SLC2A13: variants seen among roughly 807,000 people sequenced by gnomAD.
SLC2A13 encodes solute carrier family 2 member 13, also known as proton myo-inositol cotransporter.
Under a neutral mutation model 64.4 loss-of-function variants are expected in SLC2A13, and 32 were observed. That is an observed-to-expected ratio of 0.50 (90% CI 0.37 to 0.67). The LOEUF is 0.67. Ranked by LOEUF, SLC2A13 falls within the 30% of genes least tolerant of loss-of-function variation. The pLI, the probability that SLC2A13 is intolerant of heterozygous loss-of-function variation, is 0.00. For missense variants in SLC2A13, 743 were observed against 829.2 expected (o/e 0.90, Z 1.28); for synonymous variants, 338 against 327.1 (o/e 1.03, Z -0.36).
At chr12:39,915,084 T>C (rs1592279885) in intron 4 of SLC2A13, among the ~76,000 whole-genome samples, 1 of 151,784 alleles carries the variant, frequency 6.6e-6, no homozygotes, top group South Asian at 2.1e-4. Context: ...AACAGAGAAA[T>C]GACCAAAGCA....
chr12:39,914,977 T>G (rs1205836681), intron 4 of SLC2A13, among the ~76,000 whole-genome samples: 1 of 151,810 alleles, frequency 6.6e-6, no homozygotes, highest in Non-Finnish European at 1.5e-5. Context: ...AGTTAACAGG[T>G]TATAGACTTA....
chr12:40,044,298 G>A (rs1001231290), intron 2 of SLC2A13, among the ~76,000 whole-genome samples: 1 of 152,098 alleles, frequency 6.6e-6, no homozygotes, highest in African/African-American at 2.4e-5. Context: ...ATTAATGGTT[G>A]CCTAAATGTG....
At chr12:39,900,207 A>G (rs1455934105) in intron 4 of SLC2A13, among the ~76,000 whole-genome samples, 2 of 152,146 alleles carry the variant, frequency 1.3e-5, no homozygotes, top group Admixed American at 6.6e-5. Flanking sequence ...AATAAGAGCT[A>G]TCTATGACAA....
rs531272744 is a variant in SLC2A13, at chr12:39,910,912, G to A, written c.1035-38951C>T. The stretch of plus-strand genomic sequence containing the variant: ...AGCCTGACCAATATGGTGAAACCCC[G>A]TCTCTACTAAAAATACCAAAAATTA... On this transcript the variant is annotated intron_variant, in intron 4 of 9. Coordinates refer to ENST00000280871, the MANE Select transcript of SLC2A13 (RefSeq NM_052885.4). 1.2e-4 allele frequency among the ~76,000 whole-genome samples: 18 copies of A among 152,000 alleles called. No individual in the cohort carries two copies. The South Asian group carries it at 1.7e-3, about 14-fold the overall frequency.
In SLC2A13 at chr12:40,028,292, T is replaced by C. The variant is rs750306101; in HGVS notation, c.925+9A>G. 23 of 1,604,974 alleles carry C rather than the reference T, an allele frequency of 1.4e-5. No individual in the cohort carries two copies. The Admixed American group carries it at 3.7e-4, about 26-fold the overall frequency. On this transcript the variant is annotated intron_variant, in intron 3 of 9. Coordinates refer to ENST00000280871, the MANE Select transcript of SLC2A13 (RefSeq NM_052885.4). ...TTTTTAAATTCATATAAGTATAAAG[T>C]CTATATACCTGAGCCAACCTCTTTT...
chr12:40,105,821 C>G lies in SLC2A13; in HGVS notation c.-13G>C. 1 of 1,421,592 alleles carries G rather than the reference C, an allele frequency of 7.0e-7. No homozygotes were observed. Among genetic ancestry groups the G allele is most frequent in the Non-Finnish European group, 9.2e-7 (1 of 1,086,892 alleles). 88.1% of individuals were successfully genotyped at this position (1,421,592 alleles called of 1,614,324 possible). On this transcript the variant is annotated 5_prime_UTR_variant, in exon 1 of 10. Coordinates refer to ENST00000280871, the MANE Select transcript of SLC2A13 (RefSeq NM_052885.4). The surrounding 1 kb of genome is among the most constrained non-coding windows in gnomAD (Gnocchi z 4.2). Reference sequence around the variant, plus strand: ...CCTTGCGGGACATAGGGCAGGGGCCCGGGGCTGCCCGGGGGGACGCGGCTC... The same window carrying G: ...CCTTGCGGGACATAGGGCAGGGGCCGGGGGCTGCCCGGGGGGACGCGGCTC...
intron 6 of SLC2A13, among the ~76,000 whole-genome samples, chr12:39,859,689 A>T (rs1006348893): frequency 3.3e-5 from 5 of 150,928 alleles, no homozygotes; most frequent in African/African-American, 1.2e-4. Context: ...CACCTGGCTA[A>T]TTTTTTTTTG....
At chr12:40,031,944 C>G (rs764099913) in intron 2 of SLC2A13, among the ~76,000 whole-genome samples, 1 of 152,142 alleles carries the variant, frequency 6.6e-6, no homozygotes, top group Non-Finnish European at 1.5e-5. Flanking sequence ...TTGTGATACA[C>G]TGGGGCAGGC....
intron 4 of SLC2A13, among the ~76,000 whole-genome samples, chr12:39,901,039 T>C (rs893699190): frequency 2.1e-3 from 320 of 152,134 alleles, no homozygotes; most frequent in Non-Finnish European, 3.8e-3. Context: ...ACACTGCATA[T>C]CTACAACCAT....
intron 9 of SLC2A13, among the ~76,000 whole-genome samples, chr12:39,761,588 G>C (rs1003659318): frequency 2.7e-5 from 4 of 150,478 alleles, no homozygotes. Flanking sequence ...TACAAAAAGG[G>C]TGATACTGAT....
intron 6 of SLC2A13, among the ~76,000 whole-genome samples, chr12:39,843,091 G>C (rs1592195829): frequency 6.6e-6 from 1 of 152,086 alleles, no homozygotes; most frequent in South Asian, 2.1e-4. Context: ...TTGTGTAGAA[G>C]ATTTTGAGTA....
chr12:40,089,011 A>G lies in SLC2A13; in HGVS notation c.556+16242T>C, dbSNP rs573270270. Reference sequence around the variant, plus strand: ...TATTCAGAAATTTGAAAATTTACCAAAAATGTGCTTTAAGAGCACAAGATT... The same window carrying G: ...TATTCAGAAATTTGAAAATTTACCAGAAATGTGCTTTAAGAGCACAAGATT... On this transcript the variant is annotated intron_variant, in intron 1 of 9. Coordinates refer to ENST00000280871, the MANE Select transcript of SLC2A13 (RefSeq NM_052885.4). Among the ~76,000 whole-genome samples the G allele has an allele frequency of 1.1e-4, 16 of 152,306 alleles. No homozygotes were observed. The South Asian group carries it at 3.3e-3, about 32-fold the overall frequency.
intron 3 of SLC2A13, among the ~76,000 whole-genome samples, chr12:40,025,570 C>T (rs1375397448): frequency 6.6e-6 from 1 of 152,232 alleles, no homozygotes. Flanking sequence ...GAACAGGTAT[C>T]TAAGCCACCA....
At chr12:39,908,761 T>C (rs1001581284) in intron 4 of SLC2A13, among the ~76,000 whole-genome samples, 1 of 152,008 alleles carries the variant, frequency 6.6e-6, no homozygotes, top group Non-Finnish European at 1.5e-5. Context: ...ACAATTACTG[T>C]CAGGTCTTGA....
intron 2 of SLC2A13, among the ~76,000 whole-genome samples, chr12:40,045,530 G>T (rs967944559): frequency 2.7e-5 from 4 of 149,324 alleles, no homozygotes; most frequent in Non-Finnish European, 5.9e-5. Flanking sequence ...TAAATATACT[G>T]ATAAGGATAC....
In SLC2A13 at chr12:40,017,887, G is replaced by A. The variant is rs917300833; in HGVS notation, c.925+10414C>T. Among the ~76,000 whole-genome samples, 17 of 150,664 alleles carry A rather than the reference G, an allele frequency of 1.1e-4. 1 individual carries two copies. Among genetic ancestry groups the A allele is most frequent in the African/African-American group, 3.4e-4 (14 of 40,868 alleles). ...CTACACACCCTGTGCACACTTACAC[G>A]TGGACACAAACATTGACAACTTTAC... On this transcript the variant is annotated intron_variant, in intron 3 of 9. Coordinates refer to ENST00000280871, the MANE Select transcript of SLC2A13 (RefSeq NM_052885.4).
intron 1 of SLC2A13, among the ~76,000 whole-genome samples, chr12:40,092,110 T>C (rs1488107034): frequency 6.6e-6 from 1 of 151,964 alleles, no homozygotes; most frequent in Non-Finnish European, 1.5e-5. Context: ...TAGAGAGAGG[T>C]ATAATAAGGT....
At chr12:39,992,733 T>C (rs1274982957) in intron 3 of SLC2A13, among the ~76,000 whole-genome samples, 1 of 151,776 alleles carries the variant, frequency 6.6e-6, no homozygotes, top group African/African-American at 2.4e-5. Context: ...GTCATTATAG[T>C]TTACATTTGG....
At chr12:39,814,056 C>T (rs1041650260) in intron 7 of SLC2A13, among the ~76,000 whole-genome samples, 36 of 152,122 alleles carry the variant, frequency 2.4e-4, no homozygotes, top group Admixed American at 5.9e-4. Flanking sequence ...TCTTTCAAGA[C>T]GAGGAAAACT....
Sources: gnomAD v4.1 joint callset for allele counts (sites outside exome capture counted in the v4.1 genomes callset) on GRCh38, gnomAD v4.1.1 for gene constraint, Gnocchi (gnomAD v3.1) non-coding constraint, MANE v1.5 for transcripts, NCBI Gene and HGNC (gene_info 2026-07-23, HGNC 2026-07-21) for gene names.